KLK2: variants seen among roughly 807,000 people sequenced by gnomAD.
KLK2 encodes the protein kallikrein-2.
Under a neutral mutation model 23.0 loss-of-function variants are expected in KLK2, and 17 were observed. The observed-to-expected ratio is 0.74, with a 90% CI of 0.51 to 1.11. The LOEUF (loss-of-function observed/expected upper bound fraction) is 1.11, where lower values mean the gene tolerates loss of function less well. Ranked by LOEUF, KLK2 falls within the 50% of genes least tolerant of loss-of-function variation. The pLI, the probability that KLK2 is intolerant of heterozygous loss-of-function variation, is 0.00. For missense variants in KLK2, 330 were observed against 325.9 expected (o/e 1.01, Z -0.10); for synonymous variants, 140 against 124.7 (o/e 1.12, Z -0.82).
rs745725186 is a variant in KLK2 at position 50,877,153 on chromosome 19, C to T, written c.630+145C>T. On this transcript the variant is annotated intron_variant, in intron 4 of 4. Transcript: ENST00000325321. Reference sequence around the variant, plus strand: ...CCCCTCCCCATGCCTCATCTGCCGCCCTCCTTCCCCCTTCCCTGACTCCCT... The same window carrying T: ...CCCCTCCCCATGCCTCATCTGCCGCTCTCCTTCCCCCTTCCCTGACTCCCT... The T allele has an allele frequency of 1.3e-5, 12 of 943,554 alleles. No individual in the cohort carries two copies. In the South Asian group the frequency reaches 1.9e-4, roughly 15 times the overall value. The allele number at this position is 943,554 out of a possible 1,614,324, so 58.4% of individuals were successfully genotyped here.
In KLK2 at chr19:50,879,024, G is replaced by A. The variant is rs1394364877; in HGVS notation, c.*465G>A. On this transcript the variant is annotated 3_prime_UTR_variant, in exon 5 of 5. Transcript: ENST00000325321. ...CAGCAAGGATGACGCTGTAAACATAGCCCACGCTGTCCTGGGGGCACTGGG... is the reference window on the plus strand; with the variant it reads ...CAGCAAGGATGACGCTGTAAACATAACCCACGCTGTCCTGGGGGCACTGGG... 4.3e-6 allele frequency: 1 copy of A among 235,094 alleles called. No homozygotes were observed. The highest frequency in any genetic ancestry group is 2.2e-5 in the African/African-American group (1 of 45,396). The allele number at this position is 235,094 out of a possible 1,614,324, so 14.6% of individuals were successfully genotyped here.
chr19:50,876,416 C>T, intron 2 of KLK2, 56 bp from the exon 3 acceptor site: 4 of 1,520,308 alleles, frequency 2.6e-6, no homozygotes, highest in South Asian at 2.3e-5. Flanking sequence ...CTCCCCTGCC[C>T]CATCTACCTT....
At chr19:50,876,123 T>G in intron 2 of KLK2, 2 of 306,876 alleles carry the variant, frequency 6.5e-6, no homozygotes, top group Non-Finnish European at 1.2e-5. Context: ...CCCTTCCTGG[T>G]TCTGTTCTTT....
chr19:50,876,415 C>T (rs1347384866), intron 2 of KLK2, 57 bp from the exon 3 acceptor site: 5 of 1,511,208 alleles, frequency 3.3e-6, no homozygotes, highest in East Asian at 2.3e-5. Flanking sequence ...CCTCCCCTGC[C>T]CCATCTACCT....
chr19:50,878,675 G>A lies in KLK2; in HGVS notation c.*116G>A, dbSNP rs556033447. On this transcript the variant is annotated 3_prime_UTR_variant, in exon 5 of 5. Coordinates refer to ENST00000325321, the MANE Select transcript of KLK2 (RefSeq NM_005551.5). The stretch of plus-strand genomic sequence containing the variant: ...CTTGGAACTCACCTGGCCGAAGCTC[G>A]AGCCTCCTGAGTCCTACTGACCTGT... 2.5e-4 allele frequency: 248 copies of A among 989,200 alleles called. 2 individuals are homozygous for A. In the South Asian group the frequency reaches 3.3e-3, roughly 13 times the overall value. The allele number at this position is 989,200 out of a possible 1,614,324, so 61.3% of individuals were successfully genotyped here.
At chr19:50,876,448 T>A (rs745309262) in intron 2 of KLK2, 24 bp from the exon 3 acceptor site, 1 of 1,611,918 alleles carries the variant, frequency 6.2e-7, no homozygotes, top group Non-Finnish European at 8.5e-7. Context: ...TCTCTCCTCA[T>A]GCATCCACCC....
Position 50,876,319 on chromosome 19 carries a change from C to G in KLK2, c.207-153C>G. The G allele has an allele frequency of 7.7e-6, 5 of 648,472 alleles. No homozygotes were observed. The South Asian group carries it at 9.9e-5, about 13-fold the overall frequency. 40.2% of individuals were successfully genotyped at this position (648,472 alleles called of 1,614,324 possible). ...GATCACACTCCTGTTTTCTAACTCA[C>G]TGTCTGTATTTCACCACGACTATAT... On this transcript the variant is annotated intron_variant, in intron 2 of 4. Transcript: ENST00000325321.
chr19:50,874,674 C>G (rs771173040), intron 1 of KLK2, 47 bp from the exon 2 acceptor site: 3 of 1,561,730 alleles, frequency 1.9e-6, no homozygotes, highest in Non-Finnish European at 2.6e-6. Context: ...CCTCCCCTAT[C>G]CAATTCTTTT....
At chr19:50,875,196 C>G (rs942555064) in intron 2 of KLK2, 19 of 244,354 alleles carry the variant, frequency 7.8e-5, no homozygotes, top group African/African-American at 4.3e-4. Context: ...GTCTCTGTCT[C>G]TGGGTCTCTC....
rs1266201615 is a variant in KLK2, at chr19:50,874,910, A to G, written c.206+30A>G. On this transcript the variant is annotated intron_variant, in intron 2 of 4. Transcript: ENST00000325321. ...GTAGGACCCTGGGATCTGGGGAGGG[A>G]ATGGCTGTGTCCCACAGGAATAACA... The G allele has an allele frequency of 7.5e-6, 12 of 1,606,898 alleles. No homozygotes were observed. In the Middle Eastern group the frequency reaches 8.2e-4, roughly 110 times the overall value.
Position 50,878,320 on chromosome 19 carries a change from C to T in KLK2, c.631-84C>T, listed in dbSNP as rs144527477. The T allele has an allele frequency of 5.4e-4, 730 of 1,341,010 alleles. 5 individuals are homozygous for T. The African/African-American group carries it at 9.4e-3, about 17-fold the overall frequency. 83.1% of individuals were successfully genotyped at this position (1,341,010 alleles called of 1,614,324 possible). A position where few individuals can be genotyped will look rare whatever the true frequency, so the allele number is the denominator to read the frequency against. ...GCTGGGAATTGCTCTCAGTCATCTG[C>T]CTGCGCGGTTCTGAGAGATGGAGTT... On this transcript the variant is annotated intron_variant, in intron 4 of 4. Transcript: ENST00000325321.
At chr19:50,874,698 C>G (rs776315688) in intron 1 of KLK2, 23 bp from the exon 2 acceptor site, 2 of 1,596,118 alleles carry the variant, frequency 1.3e-6, no homozygotes, top group East Asian at 2.2e-5. Flanking sequence ...TCTGATCCCC[C>G]TGACCCAGCA....
At chr19:50,875,026 GA>G in intron 2 of KLK2, 146 bp downstream of exon 2, 8 of 1,396,266 alleles carry the variant, frequency 5.7e-6, no homozygotes, top group Non-Finnish European at 7.4e-6. Flanking sequence ...CCCGGAGGCA[GA>G]GCTGGGGCTG....
rs1054420925 is a variant in KLK2, at chr19:50,876,963, C to A, written c.585C>A (p.Phe195Leu). Residue 195 changes from phenylalanine (F) to leucine (L), a missense_variant, in exon 4 of 5, where the codon TTC becomes TTA. By Grantham distance (22) the Phe-to-Leu change is conservative (BLOSUM62 0). Transcript: ENST00000325321. Reference protein sequence around the residue: ...ARAYSEKVTEFMLCAGLWTGG... With the variant: ...ARAYSEKVTELMLCAGLWTGG... ...CTTACTCTGAGAAGGTGACAGAGTT[C>A]ATGTTGTGTGCTGGGCTCTGGACAG... 1 of 1,613,970 alleles carries A rather than the reference C, an allele frequency of 6.2e-7. No homozygotes were observed. Among genetic ancestry groups the A allele is most frequent in the African/African-American group, 1.3e-5 (1 of 74,902 alleles).
In KLK2 at chr19:50,878,446, G is replaced by A. The variant is rs370841038; in HGVS notation, c.673G>A (p.Gly225Ser). 7 of 1,614,020 alleles carry A rather than the reference G, an allele frequency of 4.3e-6. No homozygotes were observed. Among genetic ancestry groups the A allele is most frequent in the Non-Finnish European group, 5.9e-6 (7 of 1,179,902 alleles). Residue 225 changes from glycine (G) to serine (S), a missense_variant, in exon 5 of 5, where the codon GGT (glycine) becomes AGT (serine). Physicochemically the swap from Gly to Ser is moderately conservative, Grantham distance 56. Transcript: ENST00000325321. ...GPLVCNGVLQ[G>S]ITSWGPEPCA... ...ACTTGTCTGTAATGGTGTGCTTCAAGGTATCACATCATGGGGCCCTGAGCC... is the reference window on the plus strand; with the variant it reads ...ACTTGTCTGTAATGGTGTGCTTCAAAGTATCACATCATGGGGCCCTGAGCC...
At position 50,874,840 on chromosome 19, in the gene KLK2, C is replaced by T; in HGVS notation, c.166C>T (p.His56Tyr). The change falls in exon 2 of 5, where the codon CAC (histidine) becomes TAC (tyrosine). Residue 56 changes from histidine (H) to tyrosine (Y), a missense_variant. Physicochemically the swap from His to Tyr is moderately conservative, Grantham distance 83 (BLOSUM62 2). Transcript: ENST00000325321. ...GGCACACTGTGGGGGTGTCCTGGTGCACCCCCAGTGGGTGCTCACAGCTGC... is the reference window on the plus strand; with the variant it reads ...GGCACACTGTGGGGGTGTCCTGGTGTACCCCCAGTGGGTGCTCACAGCTGC... ...GWAHCGGVLV[H>Y]PQWVLTAAHC... is the part of the protein sequence containing the mutation. 1 of 1,613,282 alleles carries T rather than the reference C, an allele frequency of 6.2e-7. No individual in the cohort carries two copies. Among genetic ancestry groups the T allele is most frequent in the Non-Finnish European group, 8.5e-7 (1 of 1,179,504 alleles).
In KLK2 at chr19:50,880,404, T is replaced by G. The variant is rs553680159; in HGVS notation, c.*1845T>G. 9.1e-6 allele frequency: 2 copies of G among 220,872 alleles called. No individual in the cohort carries two copies. Among genetic ancestry groups the G allele is most frequent in the African/African-American group, 4.5e-5 (2 of 44,704 alleles). The allele number at this position is 220,872 out of a possible 1,614,324, so 13.7% of individuals were successfully genotyped here. On this transcript the variant is annotated 3_prime_UTR_variant, in exon 5 of 5. Transcript: ENST00000325321. ...GAGACTGGCAGGTAGTGAAACTCAT[T>G]AGGCTGAGAACCTTGTGGAATGCAG...
intron 1 of KLK2, chr19:50,874,028 A>C (rs547816529): frequency 6.5e-6 from 1 of 154,780 alleles, no homozygotes; most frequent in South Asian, 2.0e-4. Context: ...ATCTGGCCTG[A>C]GACAACAAAT....
intron 2 of KLK2, 73 bp downstream of exon 2, chr19:50,874,953 G>A (rs1272997231): frequency 6.5e-7 from 1 of 1,532,242 alleles, no homozygotes; most frequent in South Asian, 1.2e-5. Context: ...GCTTCCCCCA[G>A]GGTCACTTCT....
Sources: gnomAD v4.1 joint callset for allele counts on GRCh38, gnomAD v4.1.1 for gene constraint, MANE v1.5 for transcripts, NCBI Gene and HGNC (gene_info 2026-07-23, HGNC 2026-07-21) for gene names.